Variants in SPAG16 observed in about 807,000 individuals in gnomAD.
SPAG16 encodes the protein sperm associated antigen 16.
In SPAG16, 86 loss-of-function variants were observed where a neutral mutation model predicts 80.4. That is an observed-to-expected ratio of 1.07 (90% CI 0.90 to 1.28). The LOEUF is 1.28. SPAG16 is among the 50% of genes most tolerant of loss of function. SPAG16 has a pLI of 0.00. For missense variants in SPAG16, 870 were observed against 765.3 expected, an observed-to-expected ratio of 1.14 and a Z score of -1.61; for synonymous variants, 294 against 265.9, an observed-to-expected ratio of 1.11 and a Z score of -1.03.
chr2:213,344,320 T>C (rs1018831582), intron 6 of SPAG16, among the ~76,000 whole-genome samples: 10 of 152,150 alleles, frequency 6.6e-5, no homozygotes, highest in Admixed American at 6.6e-4. Flanking sequence ...GCGTTGGCTA[T>C]CTTTTTCCAA....
intron 12 of SPAG16, among the ~76,000 whole-genome samples, chr2:213,976,919 G>A (rs2106400173): frequency 6.6e-6 from 1 of 152,184 alleles, no homozygotes; most frequent in Middle Eastern, 3.4e-3. Flanking sequence ...CCACAGCAAG[G>A]ACACAGTTAG....
intron 12 of SPAG16, among the ~76,000 whole-genome samples, chr2:213,933,842 G>A (rs1368467920): frequency 6.6e-6 from 1 of 152,180 alleles, no homozygotes; most frequent in Non-Finnish European, 1.5e-5. Context: ...GCATTGCGTT[G>A]CCTGGAAGCA....
intron 15 of SPAG16, among the ~76,000 whole-genome samples, chr2:214,359,295 T>G (rs1259972560): frequency 6.6e-6 from 1 of 151,690 alleles, no homozygotes; most frequent in Non-Finnish European, 1.5e-5. Flanking sequence ...GATGATAAAT[T>G]GGGGGGGTTT....
chr2:213,502,332 A>G (rs1462584469), intron 10 of SPAG16, among the ~76,000 whole-genome samples: 1 of 152,080 alleles, frequency 6.6e-6, no homozygotes, highest in South Asian at 2.1e-4. Context: ...CATGTTTCCC[A>G]GGCTGATCTT....
At chr2:214,073,882 CTG>C (rs1156711247) in intron 13 of SPAG16, among the ~76,000 whole-genome samples, 1 of 152,146 alleles carries the variant, frequency 6.6e-6, no homozygotes, top group Non-Finnish European at 1.5e-5. Context: ...AGGCCTAAAA[CTG>C]AGACCCATAT....
At chr2:213,872,112 A>C (rs987077899) in intron 11 of SPAG16, among the ~76,000 whole-genome samples, 2 of 152,300 alleles carry the variant, frequency 1.3e-5, no homozygotes, top group Middle Eastern at 3.4e-3. Flanking sequence ...CTTTAAGATA[A>C]GGAGATTATC....
intron 10 of SPAG16, among the ~76,000 whole-genome samples, chr2:213,655,804 A>C (rs145732539): frequency 1.5e-4 from 23 of 152,334 alleles, no homozygotes; most frequent in African/African-American, 5.0e-4. Context: ...ATCCCTAATC[A>C]AATATAAGAA....
At chr2:214,188,664 T>C (rs2057557372) in intron 15 of SPAG16, among the ~76,000 whole-genome samples, 1 of 152,158 alleles carries the variant, frequency 6.6e-6, no homozygotes. Flanking sequence ...TCTTTACTTC[T>C]AAGTCTCTTC....
chr2:213,353,665 G>A (rs73990303), intron 7 of SPAG16, among the ~76,000 whole-genome samples: 14,887 of 152,086 alleles, frequency 0.098, 1,903 homozygotes, highest in African/African-American at 0.29. Context: ...TGTCTGACCT[G>A]TTGTTACCTC....
intron 13 of SPAG16, among the ~76,000 whole-genome samples, chr2:214,043,141 A>G (rs2049125773): frequency 6.6e-6 from 1 of 151,742 alleles, no homozygotes; most frequent in South Asian, 2.1e-4. Flanking sequence ...CAAGGATACT[A>G]GATCAGATCT....
chr2:213,726,092 G>A (rs1574952672), intron 10 of SPAG16, among the ~76,000 whole-genome samples: 1 of 152,300 alleles, frequency 6.6e-6, no homozygotes, highest in East Asian at 1.9e-4. Flanking sequence ...AATATAATAG[G>A]CAAGGAGATA....
chr2:213,322,646 G>T (rs755747896), intron 5 of SPAG16, among the ~76,000 whole-genome samples: 2 of 152,130 alleles, frequency 1.3e-5, no homozygotes, highest in Middle Eastern at 3.4e-3. Context: ...AGTACATTAG[G>T]ATAACTATTG....
intron 7 of SPAG16, among the ~76,000 whole-genome samples, chr2:213,359,427 C>T (rs1347322141): frequency 2.0e-5 from 3 of 152,124 alleles, no homozygotes; most frequent in African/African-American, 4.8e-5. Context: ...GCGGTGGGCT[C>T]CTCCAGTTTG....
At chr2:214,178,324 A>G (rs1213219652) in intron 15 of SPAG16, among the ~76,000 whole-genome samples, 1 of 151,004 alleles carries the variant, frequency 6.6e-6, no homozygotes, top group Non-Finnish European at 1.5e-5. Context: ...TTGCTATATT[A>G]TGTAGTTTGT....
At chr2:214,206,650 C>A (rs1385607660) in intron 15 of SPAG16, among the ~76,000 whole-genome samples, 1 of 152,268 alleles carries the variant, frequency 6.6e-6, no homozygotes. Context: ...AGTGAGATTG[C>A]AGGATCACAT....
chr2:214,134,108 C>T (rs191101666), intron 14 of SPAG16, among the ~76,000 whole-genome samples: 1 of 152,210 alleles, frequency 6.6e-6, no homozygotes, highest in African/African-American at 2.4e-5. Flanking sequence ...GCAGTCTGGA[C>T]TTAATGACGA....
intron 15 of SPAG16, among the ~76,000 whole-genome samples, chr2:214,187,347 A>G (rs1031082862): frequency 1.3e-5 from 2 of 152,140 alleles, no homozygotes; most frequent in Non-Finnish European, 2.9e-5. Flanking sequence ...TGTGTTACCT[A>G]GCAATATTTT....
At chr2:214,260,783 C>T (rs1347841629) in intron 15 of SPAG16, among the ~76,000 whole-genome samples, 1 of 151,942 alleles carries the variant, frequency 6.6e-6, no homozygotes, top group African/African-American at 2.4e-5. Flanking sequence ...TCTCTTTTGC[C>T]TCTCTCCTGG....
chr2:214,262,897 A>T (rs1691280274), intron 15 of SPAG16, among the ~76,000 whole-genome samples: 1 of 152,148 alleles, frequency 6.6e-6, no homozygotes, highest in East Asian at 1.9e-4. Flanking sequence ...GTTTTTAAAC[A>T]AACAGTATCA....
Sources: gnomAD v4.1 joint callset for allele counts (sites outside exome capture counted in the v4.1 genomes callset) on GRCh38, gnomAD v4.1.1 for gene constraint, MANE v1.5 for transcripts, NCBI Gene and HGNC (gene_info 2026-07-23, HGNC 2026-07-21) for gene names.